TRIM33: variants seen among roughly 807,000 people sequenced by gnomAD.
TRIM33 encodes tripartite motif containing 33, also known as E3 ubiquitin-protein ligase TRIM33.
TRIM33 carries 20 observed loss-of-function variants against 125.4 expected under a neutral mutation model. The observed-to-expected ratio is 0.16, with a 90% CI of 0.11 to 0.23. The LOEUF (loss-of-function observed/expected upper bound fraction) is 0.23, where lower values mean the gene tolerates loss of function less well. Among genes scored for constraint, TRIM33 ranks in the 10% least tolerant of loss-of-function variants. The probability of loss-of-function intolerance (pLI) is 1.00; values close to 1 mark genes in which losing one functional copy is unlikely to be tolerated. For synonymous variants in TRIM33, 564 were observed against 513.9 expected (o/e 1.10, Z -1.32); for missense variants, 920 against 1,411.4 (o/e 0.65, Z 5.58).
At chr1:114,503,798 A>AT (rs1180438566) in intron 1 of TRIM33, among the ~76,000 whole-genome samples, 1 of 152,232 alleles carries the variant, frequency 6.6e-6, no homozygotes, top group Non-Finnish European at 1.5e-5. Flanking sequence ...GGCTCAATTC[A>AT]TTCACTTCTG....
intron 1 of TRIM33, among the ~76,000 whole-genome samples, chr1:114,489,352 A>G (rs1190258063): frequency 1.3e-5 from 2 of 152,216 alleles, no homozygotes; most frequent in South Asian, 2.1e-4. Flanking sequence ...AAAAGAAAAC[A>G]TAAGAATACA....
intron 4 of TRIM33, among the ~76,000 whole-genome samples, chr1:114,443,403 A>G (rs769243643): frequency 2.2e-4 from 34 of 152,150 alleles, no homozygotes; most frequent in Non-Finnish European, 4.6e-4. Flanking sequence ...GAATGAATGA[A>G]TGAATGAATG....
chr1:114,446,947 A>G (rs1022701401), intron 4 of TRIM33, among the ~76,000 whole-genome samples: 1 of 152,176 alleles, frequency 6.6e-6, no homozygotes, highest in Admixed American at 6.5e-5. Flanking sequence ...AGGCTGAGGC[A>G]GAAGGATTGC....
At chr1:114,464,165 C>A in intron 2 of TRIM33, 105 bp downstream of exon 2, 1 of 554,894 alleles carries the variant, frequency 1.8e-6, no homozygotes, top group Non-Finnish European at 3.2e-6. Context: ...AAACAGGAAT[C>A]CATAGCAGAA....
At chr1:114,502,766 G>A (rs573874510) in intron 1 of TRIM33, among the ~76,000 whole-genome samples, 11 of 152,032 alleles carry the variant, frequency 7.2e-5, no homozygotes, top group Non-Finnish European at 1.0e-4. Flanking sequence ...CTCAGCCTTC[G>A]AAAGTGCTGG....
intron 2 of TRIM33, among the ~76,000 whole-genome samples, chr1:114,464,029 T>A (rs939666846): frequency 2.0e-5 from 3 of 152,014 alleles, no homozygotes; most frequent in Non-Finnish European, 4.4e-5. Context: ...TCAGCCTCCC[T>A]AAGTGCTGCG....
rs377532610 is a variant in TRIM33 at position 114,455,325 on chromosome 1, T to C, written c.923+7779A>G. Among the ~76,000 whole-genome samples the C allele has an allele frequency of 7.2e-5, 11 of 152,282 alleles. No homozygotes were observed. In the East Asian group the frequency reaches 1.5e-3, roughly 21 times the overall value. Reference sequence around the variant, plus strand: ...TTATGCAAGCTACACTGGACTGACATGATGATGGGATAGTCAGGAGATGAC... The same window carrying C: ...TTATGCAAGCTACACTGGACTGACACGATGATGGGATAGTCAGGAGATGAC... On this transcript the variant is annotated intron_variant, in intron 4 of 19. Coordinates refer to ENST00000358465, the MANE Select transcript of TRIM33 (RefSeq NM_015906.4).
chr1:114,413,628 TAAAAAAAAAAAAA>T (rs34538412), intron 11 of TRIM33, among the ~76,000 whole-genome samples: 1 of 50,860 alleles, frequency 2.0e-5, no homozygotes, highest in Non-Finnish European at 3.6e-5. Context: ...AGCAAAACTG[TAAAAAAAAAAAAA>T]AAAAAAAAAA....
chr1:114,502,850 T>C (rs141574606), intron 1 of TRIM33, among the ~76,000 whole-genome samples: 85 of 152,286 alleles, frequency 5.6e-4, no homozygotes, highest in African/African-American at 2.0e-3. Flanking sequence ...AATAACTGTA[T>C]TTCCTAAAAC....
chr1:114,464,493 A>ATGAG (rs1181603358), intron 1 of TRIM33, 105 bp from the exon 2 acceptor site: 3 of 607,574 alleles, frequency 4.9e-6, no homozygotes. Context: ...GACCAAAGAA[A>ATGAG]TGAGCATCAA....
chr1:114,441,001 AC>A (rs1170243814), intron 4 of TRIM33, among the ~76,000 whole-genome samples: 3 of 152,240 alleles, frequency 2.0e-5, no homozygotes, highest in African/African-American at 7.2e-5. Flanking sequence ...CTCTTAAAAG[AC>A]TTTTAAGACT....
At chr1:114,502,565 G>A (rs940739255) in intron 1 of TRIM33, among the ~76,000 whole-genome samples, 4 of 152,240 alleles carry the variant, frequency 2.6e-5, no homozygotes, top group East Asian at 1.9e-4. Flanking sequence ...GGAGTGCAAC[G>A]GCATGATCGC....
At chr1:114,419,890 A>C (rs188522814) in intron 11 of TRIM33, among the ~76,000 whole-genome samples, 87 of 152,318 alleles carry the variant, frequency 5.7e-4, no homozygotes, top group Non-Finnish European at 3.7e-4. Context: ...ACTTTAAATA[A>C]AATTTTAAAA....
chr1:114,437,417 C>A (rs1195778896), intron 4 of TRIM33, among the ~76,000 whole-genome samples: 2 of 152,130 alleles, frequency 1.3e-5, no homozygotes, highest in African/African-American at 4.8e-5. Context: ...CGGCTCACTG[C>A]AACTTGTACC....
chr1:114,410,205 C>A lies in TRIM33; in HGVS notation c.2173G>T (p.Ala725Ser). The A allele has an allele frequency of 6.2e-7, 1 of 1,613,936 alleles. No homozygotes were observed. Among genetic ancestry groups the A allele is most frequent in the South Asian group, 1.1e-5 (1 of 91,074 alleles). Residue 725 changes from alanine (A) to serine (S), a missense_variant, in exon 12 of 20, where the codon GCC (alanine) becomes TCC (serine). This residue lies in a region of TRIM33 where 407 missense variants were observed against 589.7 expected (regional missense o/e 0.69). Transcript: ENST00000358465. The stretch of plus-strand genomic sequence containing the variant: ...TTACCTGATGATCCCGGAGAAAGGG[C>A]AGAGGGACCTGGAGAAGGATTCATG... ...STMNPSPGPS[A>S]LSPGSSGLSN...
chr1:114,452,701 G>A (rs1007713081), intron 4 of TRIM33, among the ~76,000 whole-genome samples: 5 of 144,420 alleles, frequency 3.5e-5, no homozygotes, highest in Admixed American at 7.0e-5. Flanking sequence ...TTCAAGACCC[G>A]GGCAACATGG....
At chr1:114,414,812 T>C (rs1285976615) in intron 11 of TRIM33, among the ~76,000 whole-genome samples, 2 of 152,116 alleles carry the variant, frequency 1.3e-5, no homozygotes, top group Middle Eastern at 3.2e-3. Flanking sequence ...AATTTTCCTA[T>C]TAAGCATAAT....
chr1:114,475,161 T>C (rs1196080412), intron 1 of TRIM33, among the ~76,000 whole-genome samples: 2 of 152,158 alleles, frequency 1.3e-5, no homozygotes, highest in Non-Finnish European at 2.9e-5. Context: ...AGAGGCTCAC[T>C]ACCTGTGGGA....
At chr1:114,471,529 T>A (rs1650650356) in intron 1 of TRIM33, among the ~76,000 whole-genome samples, 1 of 149,542 alleles carries the variant, frequency 6.7e-6, no homozygotes. Flanking sequence ...AAAATGGCAA[T>A]CCTGAGAAGC....
Sources: gnomAD v4.1 joint callset for allele counts (sites outside exome capture counted in the v4.1 genomes callset) on GRCh38, gnomAD v4.1.1 for gene constraint, gnomAD v4.1.1 regional missense constraint, MANE v1.5 for transcripts, NCBI Gene and HGNC (gene_info 2026-07-23, HGNC 2026-07-21) for gene names.